The following MEGF11 variants were observed in gnomAD, a reference collection of about 807,000 sequenced individuals.
MEGF11 encodes multiple EGF like domains 11.
Under a neutral mutation model 146.6 loss-of-function variants are expected in MEGF11, and 126 were observed. That is an observed-to-expected ratio of 0.86 (90% CI 0.74 to 1.00). The LOEUF is 1.00. Ranked by LOEUF, MEGF11 falls within the 50% of genes least tolerant of loss-of-function variation. The pLI is 0.00. For missense variants in MEGF11, 1,509 were observed against 1,521.2 expected, an observed-to-expected ratio of 0.99 and a Z score of 0.13; for synonymous variants, 532 against 583.4, an observed-to-expected ratio of 0.91 and a Z score of 1.27.
At chr15:66,031,035 CT>C (rs1357538561) in intron 5 of MEGF11, among the ~76,000 whole-genome samples, 1 of 152,184 alleles carries the variant, frequency 6.6e-6, no homozygotes, top group Non-Finnish European at 1.5e-5. Flanking sequence ...GATTATCAGC[CT>C]GATAGGATAA....
chr15:66,020,202 A>G (rs996965944), intron 5 of MEGF11, among the ~76,000 whole-genome samples: 1 of 152,214 alleles, frequency 6.6e-6, no homozygotes, highest in African/African-American at 2.4e-5. Context: ...CATGTGACCC[A>G]ATCTGGCCAA....
intron 5 of MEGF11, among the ~76,000 whole-genome samples, chr15:66,053,715 A>ATT (rs71447880): frequency 3.4e-4 from 11 of 32,134 alleles, no homozygotes; most frequent in African/African-American, 1.3e-3. Context: ...CCTGGCACCA[A>ATT]TTTTTTTTTT....
intron 1 of MEGF11, among the ~76,000 whole-genome samples, chr15:66,155,302 G>A (rs2089717619): frequency 6.6e-6 from 1 of 152,230 alleles, no homozygotes; most frequent in Admixed American, 6.5e-5. Flanking sequence ...AAGACAGGAG[G>A]GAGAGCCCTC....
chr15:66,066,472 A>G lies in MEGF11; in HGVS notation c.394+27930T>C, dbSNP rs1169919193. Among the ~76,000 whole-genome samples, 3 of 152,256 alleles carry G rather than the reference A, an allele frequency of 2.0e-5. 1 individual carries two copies. The highest frequency in any genetic ancestry group is 4.4e-5 in the Non-Finnish European group (3 of 68,050). On this transcript the variant is annotated intron_variant, in intron 5 of 25. Transcript: ENST00000395614. ...TATTTCAATGATAATTTTAAAAACA[A>G]CAAACATCAGCATGTTGTGCAAAAC...
chr15:66,185,854 G>T (rs1469845879), intron 1 of MEGF11, among the ~76,000 whole-genome samples: 1 of 152,218 alleles, frequency 6.6e-6, no homozygotes, highest in Non-Finnish European at 1.5e-5. Context: ...GGCAGGGCCA[G>T]GCAGGGGCTT....
chr15:66,105,563 A>C (rs150506498), intron 4 of MEGF11, among the ~76,000 whole-genome samples: 22 of 152,326 alleles, frequency 1.4e-4, no homozygotes, highest in African/African-American at 5.3e-4. Context: ...GCAGGGCAAC[A>C]AAAGGTCTGT....
At chr15:66,079,446 G>A (rs1480884710) in intron 5 of MEGF11, among the ~76,000 whole-genome samples, 1 of 151,914 alleles carries the variant, frequency 6.6e-6, no homozygotes, top group Non-Finnish European at 1.5e-5. Flanking sequence ...GGGCTGGGCA[G>A]AAGAACCACA....
intron 1 of MEGF11, among the ~76,000 whole-genome samples, chr15:66,212,999 G>A (rs758484564): frequency 1.3e-5 from 2 of 152,176 alleles, no homozygotes; most frequent in Non-Finnish European, 2.9e-5. Flanking sequence ...ATCTGCGAGG[G>A]AGGGCCAAGA....
intron 1 of MEGF11, among the ~76,000 whole-genome samples, chr15:66,244,384 G>A (rs1287792312): frequency 3.9e-5 from 6 of 152,132 alleles, no homozygotes; most frequent in Non-Finnish European, 5.9e-5. Flanking sequence ...CTCAGAGTCC[G>A]CTGCTAGAAT....
chr15:66,241,403 G>A (rs1202975326), intron 1 of MEGF11, among the ~76,000 whole-genome samples: 1 of 152,182 alleles, frequency 6.6e-6, no homozygotes, highest in Non-Finnish European at 1.5e-5. Flanking sequence ...CCTTCAAGAA[G>A]AGCAACTACA....
At chr15:66,120,664 T>G (rs2087979511) in intron 3 of MEGF11, among the ~76,000 whole-genome samples, 1 of 152,192 alleles carries the variant, frequency 6.6e-6, no homozygotes, top group African/African-American at 2.4e-5. Flanking sequence ...GTCATTCAAC[T>G]TTGTCAAAAA....
At chr15:65,921,874 A>G (rs1179307800) in intron 15 of MEGF11, 4 of 166,696 alleles carry the variant, frequency 2.4e-5, no homozygotes, top group Admixed American at 1.7e-4. Flanking sequence ...TCAGGAAAGC[A>G]TATGGGGAGG....
chr15:66,063,216 G>A (rs754104591), intron 5 of MEGF11, among the ~76,000 whole-genome samples: 1 of 152,184 alleles, frequency 6.6e-6, no homozygotes, highest in African/African-American at 2.4e-5. Context: ...TCCAGGACAG[G>A]CTTGAAGCTT....
chr15:65,965,409 G>A (rs1596921017), intron 8 of MEGF11: 1 of 377,552 alleles, frequency 2.6e-6, no homozygotes, highest in Middle Eastern at 6.5e-4. Context: ...AATTAAAGTT[G>A]TGGTGAAATA....
intron 5 of MEGF11, among the ~76,000 whole-genome samples, chr15:66,067,608 C>A (rs1378028250): frequency 6.6e-6 from 1 of 152,336 alleles, no homozygotes; most frequent in South Asian, 2.1e-4. Flanking sequence ...AACACCTGAG[C>A]CCTGGGAAGC....
In MEGF11 at chr15:66,226,689, G is replaced by A. The variant is rs566211221; in HGVS notation, c.-9+26916C>T. On this transcript the variant is annotated intron_variant, in intron 1 of 25. Transcript: ENST00000395614. ...ATTAAACTTTATTATAGGTATGTAC[G>A]TACAGGAAAAAACATAGTCTATATA... Among the ~76,000 whole-genome samples the A allele has an allele frequency of 4.6e-5, 7 of 152,102 alleles. No homozygotes were observed. In the South Asian group the frequency reaches 1.0e-3, roughly 23 times the overall value.
chr15:66,075,991 T>G (rs2085559524), intron 5 of MEGF11, among the ~76,000 whole-genome samples: 1 of 147,782 alleles, frequency 6.8e-6, no homozygotes, highest in Admixed American at 6.9e-5. Context: ...CATCTCCATA[T>G]GCCCGGAACC....
chr15:66,186,588 C>G (rs1311649087), intron 1 of MEGF11, among the ~76,000 whole-genome samples: 1 of 152,200 alleles, frequency 6.6e-6, no homozygotes, highest in Non-Finnish European at 1.5e-5. Flanking sequence ...TATGGGAGCA[C>G]TCCCTGTCTC....
At chr15:66,122,540 G>A (rs1429591458) in intron 3 of MEGF11, among the ~76,000 whole-genome samples, 1 of 152,144 alleles carries the variant, frequency 6.6e-6, no homozygotes, top group Non-Finnish European at 1.5e-5. Context: ...GGAGAAATCT[G>A]GAATCAACAG....
Sources: gnomAD v4.1 joint callset for allele counts (sites outside exome capture counted in the v4.1 genomes callset) on GRCh38, gnomAD v4.1.1 for gene constraint, MANE v1.5 for transcripts, NCBI Gene and HGNC (gene_info 2026-07-23, HGNC 2026-07-21) for gene names.